The following BTN2A2 variants were observed in gnomAD, a reference collection of about 807,000 sequenced individuals.
BTN2A2 encodes butyrophilin 2.
BTN2A2 carries 29 observed loss-of-function variants against 34.7 expected under a neutral mutation model. That is an observed-to-expected ratio of 0.84 (90% CI 0.62 to 1.14). The LOEUF (loss-of-function observed/expected upper bound fraction) is 1.14, where lower values mean the gene tolerates loss of function less well. Ranked by LOEUF, BTN2A2 falls within the 50% of genes most tolerant of loss-of-function variation. The pLI, the probability that BTN2A2 is intolerant of heterozygous loss-of-function variation, is 0.00. For missense variants in BTN2A2, 612 were observed against 651.5 expected (o/e 0.94, Z 0.66); for synonymous variants, 240 against 253.1 (o/e 0.95, Z 0.49).
chr6:26,392,515 T>C lies in BTN2A2; in HGVS notation c.1120T>C (p.Trp374Arg), dbSNP rs750379597. Reference protein sequence around the residue: ...RFDSQPCVLGWESFASGKHYW... With the variant: ...RFDSQPCVLGRESFASGKHYW... Reference sequence around the variant, plus strand: ...CGACAGTCAGCCTTGTGTCCTGGGATGGGAGAGCTTCGCCTCAGGGAAACA... The same window carrying C: ...CGACAGTCAGCCTTGTGTCCTGGGACGGGAGAGCTTCGCCTCAGGGAAACA... The change falls in exon 8 of 8, where the codon TGG becomes CGG. Residue 374 changes from tryptophan to arginine, a missense_variant. By Grantham distance (101) the Trp-to-Arg change is moderately radical. Coordinates refer to ENST00000356709, the MANE Select transcript of BTN2A2 (RefSeq NM_006995.5). The C allele has an allele frequency of 4.3e-6, 7 of 1,614,082 alleles. No homozygotes were observed. The highest frequency in any genetic ancestry group is 3.3e-5 in the Admixed American group (2 of 59,998).
At position 26,392,751 on chromosome 6, in the gene BTN2A2, T is replaced by C. The variant is rs1761678222; in HGVS notation, c.1356T>C (p.Tyr452=). 1.9e-6 allele frequency: 3 copies of C among 1,614,098 alleles called. No homozygotes were observed. Among genetic ancestry groups the C allele is most frequent in the South Asian group, 2.2e-5 (2 of 91,092 alleles). The change falls in exon 8 of 8, where the codon TAT becomes TAC. Residue 452 remains tyrosine, a synonymous_variant. Coordinates refer to ENST00000356709, the MANE Select transcript of BTN2A2 (RefSeq NM_006995.5). ...GCCGGGTGGGCGTCTTCCTGGACTA[T>C]GAAGCTGGAGATGTCTCCTTCTACA... is the stretch of plus-strand genomic sequence containing the variant. The part of the protein sequence containing the change: ...SLCRVGVFLD[Y]EAGDVSFYNM...
At chr6:26,389,892 G>C in intron 4 of BTN2A2, 113 bp from the exon 5 acceptor site, 1 of 1,003,956 alleles carries the variant, frequency 1.0e-6, no homozygotes, top group Non-Finnish European at 1.5e-6. Context: ...AGGTTTCTGA[G>C]GGAGAAGCCA....
Position 26,388,165 on chromosome 6 carries a change from G to C in BTN2A2, c.595G>C (p.Ala199Pro). 6.2e-7 allele frequency: 1 copy of C among 1,614,192 alleles called. No individual in the cohort carries two copies. Among genetic ancestry groups the C allele is most frequent in the Non-Finnish European group, 8.5e-7 (1 of 1,180,022 alleles). The change falls in exon 4 of 8, where the codon GCT (alanine) becomes CCT (proline). Residue 199 changes from alanine to proline, a missense_variant. Coordinates refer to ENST00000356709, the MANE Select transcript of BTN2A2 (RefSeq NM_006995.5). ...VVPALKEVSI[A>P]DADGLFMVTT... Reference sequence around the variant, plus strand: ...GCCCGCCCTGAAGGAGGTTTCCATCGCTGATGCTGACGGCCTCTTCATGGT... The same window carrying C: ...GCCCGCCCTGAAGGAGGTTTCCATCCCTGATGCTGACGGCCTCTTCATGGT...
rs574391924 is a variant in BTN2A2, at chr6:26,386,591, G to A, written c.442+1229G>A. Among the ~76,000 whole-genome samples, 3 of 152,312 alleles carry A rather than the reference G, an allele frequency of 2.0e-5. No individual in the cohort carries two copies. In the South Asian group the frequency reaches 6.2e-4, roughly 32 times the overall value. ...ACTGTGTTCACAGCAGCACTGCAAT[G>A]TTGCCCAGTAATGAATGGTTGTATG... On this transcript the variant is annotated intron_variant, in intron 3 of 7. Transcript: ENST00000356709.
At chr6:26,387,358 A>G (rs1175605063) in intron 3 of BTN2A2, among the ~76,000 whole-genome samples, 1 of 152,202 alleles carries the variant, frequency 6.6e-6, no homozygotes, top group Non-Finnish European at 1.5e-5. Context: ...ATCACCTCCT[A>G]TGGAGGTAGA....
Position 26,393,077 on chromosome 6 carries a change from A to G in BTN2A2, c.*110A>G. Reference sequence around the variant, plus strand: ...CCCTCCTCCCCTCTGGTCACGTAAGAGAACATCTTCCAGCTGCCTTTTTCA... The same window carrying G: ...CCCTCCTCCCCTCTGGTCACGTAAGGGAACATCTTCCAGCTGCCTTTTTCA... On this transcript the variant is annotated 3_prime_UTR_variant, in exon 8 of 8. Coordinates refer to ENST00000356709, the MANE Select transcript of BTN2A2 (RefSeq NM_006995.5). 1 of 1,611,272 alleles carries G rather than the reference A, an allele frequency of 6.2e-7. No individual in the cohort carries two copies. The highest frequency in any genetic ancestry group is 1.1e-5 in the South Asian group (1 of 90,394).
intron 7 of BTN2A2, chr6:26,391,100 T>C (rs1358144484): frequency 1.7e-6 from 1 of 580,554 alleles, no homozygotes; most frequent in Non-Finnish European, 3.1e-6. Flanking sequence ...TTCCCATGCA[T>C]AGTAGCCTCC....
intron 4 of BTN2A2, 109 bp downstream of exon 4, chr6:26,388,403 C>T: frequency 7.6e-7 from 1 of 1,315,364 alleles, no homozygotes; most frequent in Non-Finnish European, 1.1e-6. Context: ...TGGTCCTGGG[C>T]CCTGAGGAGC....
Position 26,392,641 on chromosome 6 carries a change from G to A in BTN2A2, c.1246G>A (p.Gly416Ser), listed in dbSNP as rs1044348411. 6.2e-7 allele frequency: 1 copy of A among 1,614,232 alleles called. No homozygotes were observed. The highest frequency in any genetic ancestry group is 8.5e-7 in the Non-Finnish European group (1 of 1,180,036). The change falls in exon 8 of 8, where the codon GGC becomes AGC. Residue 416 changes from glycine (G) to serine (S), a missense_variant. Coordinates refer to ENST00000356709, the MANE Select transcript of BTN2A2 (RefSeq NM_006995.5). ...GGAGGTCCTGCTGATTCCTCAGAATGGCTTCTGGACCCTGGAGATGTTTGG... is the reference window on the plus strand; with the variant it reads ...GGAGGTCCTGCTGATTCCTCAGAATAGCTTCTGGACCCTGGAGATGTTTGG... ...KGEVLLIPQNGFWTLEMFGNQ... is the reference protein window; with the variant it reads ...KGEVLLIPQNSFWTLEMFGNQ...
chr6:26,393,712 A>G lies in BTN2A2; in HGVS notation c.*745A>G, dbSNP rs1019075993. The G allele has an allele frequency of 4.0e-6, 4 of 989,000 alleles. No individual in the cohort carries two copies. The African/African-American group carries it at 5.2e-5, about 13-fold the overall frequency. The allele number at this position is 989,000 out of a possible 1,614,324, so 61.3% of individuals were successfully genotyped here. A position where few individuals can be genotyped will look rare whatever the true frequency, so the allele number is the denominator to read the frequency against. ...TCCTGGTCGAGCAGGGCAGTACTGG[A>G]CCAGGTCTACGTCAGCATTCAGGTT... On this transcript the variant is annotated 3_prime_UTR_variant, in exon 8 of 8. Coordinates refer to ENST00000356709, the MANE Select transcript of BTN2A2 (RefSeq NM_006995.5).
At chr6:26,389,699 G>A (rs1449166370) in intron 4 of BTN2A2, among the ~76,000 whole-genome samples, 2 of 152,212 alleles carry the variant, frequency 1.3e-5, no homozygotes, top group East Asian at 1.9e-4. Context: ...TATTCCAGGC[G>A]TGAGTGATGG....
chr6:26,394,043 G>T lies in BTN2A2; in HGVS notation c.*1076G>T. On this transcript the variant is annotated 3_prime_UTR_variant, in exon 8 of 8. Transcript: ENST00000356709. Reference sequence around the variant, plus strand: ...ATGTCTGGCTTAATAAGAGATATTTGTATTATCATATCTGCCTTTGTATTA... The same window carrying T: ...ATGTCTGGCTTAATAAGAGATATTTTTATTATCATATCTGCCTTTGTATTA... The T allele has an allele frequency of 2.6e-6, 1 of 387,026 alleles. No homozygotes were observed. The highest frequency in any genetic ancestry group is 4.6e-6 in the Non-Finnish European group (1 of 218,294). 24.0% of individuals were successfully genotyped at this position (387,026 alleles called of 1,614,324 possible).
At position 26,393,863 on chromosome 6, in the gene BTN2A2, C is replaced by T. The variant is rs1017880547; in HGVS notation, c.*896C>T. The T allele has an allele frequency of 6.2e-6, 4 of 647,468 alleles. No homozygotes were observed. In the African/African-American group the frequency reaches 7.9e-5, roughly 13 times the overall value. 40.1% of individuals were successfully genotyped at this position (647,468 alleles called of 1,614,324 possible). On this transcript the variant is annotated 3_prime_UTR_variant, in exon 8 of 8. Transcript: ENST00000356709. The stretch of plus-strand genomic sequence containing the variant: ...ATATTTATGACATTTGACATTGAAA[C>T]AAAAATTTAAAATGTTATCTTTTAA...
rs139269517 is a variant in BTN2A2, at chr6:26,386,669, C to T, written c.442+1307C>T. Among the ~76,000 whole-genome samples the T allele has an allele frequency of 3.9e-5, 6 of 152,322 alleles. 1 individual carries two copies. The highest frequency in any genetic ancestry group is 7.4e-5 in the Non-Finnish European group (5 of 68,024). On this transcript the variant is annotated intron_variant, in intron 3 of 7. Transcript: ENST00000356709. ...TAAAACCAACCCTGTCCTGGCCTTC[C>T]CTAGTCTGAATTGGGTTGCTGTAGG...
chr6:26,390,728 A>C (rs759714221), intron 6 of BTN2A2, 21 bp downstream of exon 6: 1 of 1,614,232 alleles, frequency 6.2e-7, no homozygotes, highest in East Asian at 2.2e-5. Context: ...CCTTTCCTGA[A>C]CTACTCCGTG....
rs1273912699 is a variant in BTN2A2, at chr6:26,394,470, C to A, written c.*1503C>A. ...AAAGGCAGAGGAAAGGCAAATTCTTCTCTCCTCTGGAGCTGAGACACTCTT... is the reference window on the plus strand; with the variant it reads ...AAAGGCAGAGGAAAGGCAAATTCTTATCTCCTCTGGAGCTGAGACACTCTT... On this transcript the variant is annotated 3_prime_UTR_variant, in exon 8 of 8. Coordinates refer to ENST00000356709, the MANE Select transcript of BTN2A2 (RefSeq NM_006995.5). 1.6e-6 allele frequency: 1 copy of A among 612,220 alleles called. No homozygotes were observed. Among genetic ancestry groups the A allele is most frequent in the Non-Finnish European group, 3.0e-6 (1 of 336,076 alleles). 37.9% of individuals were successfully genotyped at this position (612,220 alleles called of 1,614,324 possible).
intron 4 of BTN2A2, among the ~76,000 whole-genome samples, chr6:26,389,622 C>T (rs1561830548): frequency 6.6e-6 from 1 of 152,210 alleles, no homozygotes. Context: ...TTAACATGAT[C>T]TCACTTGGGC....
In BTN2A2 at chr6:26,392,394, A is replaced by G. The variant is rs1316080199; in HGVS notation, c.999A>G (p.Pro333=). 3 of 1,614,204 alleles carry G rather than the reference A, an allele frequency of 1.9e-6. No homozygotes were observed. The South Asian group carries it at 3.3e-5, about 18-fold the overall frequency. ...FLHAADVVLD[P]DTAHPELFLS... ...CTGCAGCTGATGTGGTCCTGGATCC[A>G]GACACCGCTCATCCCGAGCTCTTCC... Residue 333 remains proline (P), a synonymous_variant, in exon 8 of 8, where the codon CCA becomes CCG. Coordinates refer to ENST00000356709, the MANE Select transcript of BTN2A2 (RefSeq NM_006995.5).
chr6:26,388,602 G>A (rs2113753420), intron 4 of BTN2A2, among the ~76,000 whole-genome samples: 1 of 152,138 alleles, frequency 6.6e-6, no homozygotes, highest in Admixed American at 6.5e-5. Context: ...AGTGTGGGTG[G>A]GTGACTGTCT....
Sources: gnomAD v4.1 joint callset for allele counts (sites outside exome capture counted in the v4.1 genomes callset) on GRCh38, gnomAD v4.1.1 for gene constraint, MANE v1.5 for transcripts, NCBI Gene and HGNC (gene_info 2026-07-23, HGNC 2026-07-21) for gene names.